The following SENP5 variants were observed in gnomAD, a reference collection of about 807,000 sequenced individuals.
SENP5 encodes the protein sentrin-specific protease 5.
SENP5 carries 21 observed loss-of-function variants against 74.2 expected under a neutral mutation model. That is an observed-to-expected ratio of 0.28 (90% confidence interval 0.20 to 0.41). SENP5 has a LOEUF of 0.41. Ranked by LOEUF, SENP5 falls within the 10% of genes least tolerant of loss-of-function variation. SENP5 has a pLI of 1.00. For missense variants in SENP5, 717 were observed against 889.1 expected (o/e 0.81, Z 2.46); for synonymous variants, 311 against 312.7 (o/e 0.99, Z 0.06).
chr3:196,905,743 T>G (rs1191855716), intron 6 of SENP5, among the ~76,000 whole-genome samples: 1 of 152,092 alleles, frequency 6.6e-6, no homozygotes, highest in East Asian at 1.9e-4. Flanking sequence ...AGTCAGTTTT[T>G]ATGGAGGCTT....
In SENP5 at chr3:196,896,737, G is replaced by T. The variant is rs369654379; in HGVS notation, c.1514-2929G>T. ...GCTGGGATTACAGGCATGAGCCACC[G>T]CACCTGGCCCAGTGTCTCTATTTGT... On this transcript the variant is annotated intron_variant, in intron 2 of 9. Transcript: ENST00000323460. Among the ~76,000 whole-genome samples, 23 of 152,224 alleles carry T rather than the reference G, an allele frequency of 1.5e-4. 1 individual carries two copies. Among genetic ancestry groups the T allele is most frequent in the African/African-American group, 5.5e-4 (23 of 41,528 alleles).
At chr3:196,893,569 A>T (rs1469390680) in intron 2 of SENP5, among the ~76,000 whole-genome samples, 1 of 152,114 alleles carries the variant, frequency 6.6e-6, no homozygotes, top group Admixed American at 6.5e-5. Flanking sequence ...TTTCAGGCAA[A>T]AGAGAACTGT....
rs1181069023 is a variant in SENP5, at chr3:196,934,710, A to T, written c.*3787A>T. 6.6e-6 allele frequency: 1 copy of T among 152,240 alleles called. No homozygotes were observed. Among genetic ancestry groups the T allele is most frequent in the Non-Finnish European group, 1.5e-5 (1 of 68,040 alleles). 9.4% of individuals were successfully genotyped at this position (152,240 alleles called of 1,614,324 possible). A position where few individuals can be genotyped will look rare whatever the true frequency, so the allele number is the denominator to read the frequency against. ...TTTGAAAAATAAACTAAATGCCTTTATAAACTTGTGTTCTCTCGTCTTGAG... is the reference window on the plus strand; with the variant it reads ...TTTGAAAAATAAACTAAATGCCTTTTTAAACTTGTGTTCTCTCGTCTTGAG... On this transcript the variant is annotated 3_prime_UTR_variant, in exon 10 of 10. Coordinates refer to ENST00000323460, the MANE Select transcript of SENP5 (RefSeq NM_152699.5).
intron 6 of SENP5, chr3:196,904,795 AAATT>A (rs775753504): frequency 1.3e-5 from 2 of 152,200 alleles, no homozygotes; most frequent in Non-Finnish European, 1.5e-5. Flanking sequence ...TGTCAAAAGA[AAATT>A]AAATAAAAAA....
intron 6 of SENP5, among the ~76,000 whole-genome samples, chr3:196,907,337 G>C (rs1357710535): frequency 2.6e-5 from 4 of 151,796 alleles, no homozygotes; most frequent in African/African-American, 7.3e-5. Flanking sequence ...AGCCGGGCGT[G>C]GTGACGGATG....
At chr3:196,898,138 A>G (rs1243534270) in intron 2 of SENP5, among the ~76,000 whole-genome samples, 1 of 150,500 alleles carries the variant, frequency 6.6e-6, no homozygotes, top group Non-Finnish European at 1.5e-5. Context: ...AAATCGCACC[A>G]TTGCACTCCA....
chr3:196,916,400 A>G (rs150431374), intron 6 of SENP5, among the ~76,000 whole-genome samples: 1,664 of 152,028 alleles, frequency 0.011, 21 homozygotes, highest in African/African-American at 0.032. Context: ...GACCAATCTC[A>G]TAGTGACAGA....
At chr3:196,893,783 G>A (rs146855486) in intron 2 of SENP5, among the ~76,000 whole-genome samples, 47 of 152,044 alleles carry the variant, frequency 3.1e-4, no homozygotes, top group African/African-American at 1.1e-3. Context: ...GGTGGCATGC[G>A]CCTGTAGTCC....
intron 6 of SENP5, among the ~76,000 whole-genome samples, chr3:196,909,419 C>T (rs1048277569): frequency 2.2e-4 from 34 of 152,082 alleles, no homozygotes; most frequent in Non-Finnish European, 3.4e-4. Context: ...TTTATGAGGC[C>T]GGCATCATCC....
intron 1 of SENP5, among the ~76,000 whole-genome samples, chr3:196,869,489 G>A (rs530016021): frequency 6.6e-6 from 1 of 151,632 alleles, no homozygotes; most frequent in South Asian, 2.1e-4. Context: ...AGCCGGGCGC[G>A]GTGGTTGACG....
At chr3:196,884,402 A>G (rs544159379) in intron 1 of SENP5, among the ~76,000 whole-genome samples, 1 of 152,236 alleles carries the variant, frequency 6.6e-6, no homozygotes, top group East Asian at 1.9e-4. Flanking sequence ...AATCCAAACA[A>G]TAACTTCCCC....
intron 8 of SENP5, among the ~76,000 whole-genome samples, chr3:196,928,464 C>A (rs1361235853): frequency 6.6e-6 from 1 of 152,178 alleles, no homozygotes; most frequent in Admixed American, 6.5e-5. Flanking sequence ...TGTATTGGAT[C>A]TCATTTGATC....
At chr3:196,930,724 A>G in intron 9 of SENP5, 89 bp from the exon 10 acceptor site, 1 of 847,844 alleles carries the variant, frequency 1.2e-6, no homozygotes, top group South Asian at 1.4e-5. Flanking sequence ...TGCCTTAGAC[A>G]CTATTAGGTC....
In SENP5 at chr3:196,870,942, G is replaced by A. The variant is rs548236557; in HGVS notation, c.-32+2869G>A. On this transcript the variant is annotated intron_variant, in intron 1 of 9. Transcript: ENST00000323460. ...TCCCAGCACTTTGGGAGGCCGAGGCGGGTGGATCACGAGTCAGGAGTTAGA... is the reference window on the plus strand; with the variant it reads ...TCCCAGCACTTTGGGAGGCCGAGGCAGGTGGATCACGAGTCAGGAGTTAGA... Among the ~76,000 whole-genome samples, 27 of 152,002 alleles carry A rather than the reference G, an allele frequency of 1.8e-4. No homozygotes were observed. The East Asian group carries it at 4.1e-3, about 23-fold the overall frequency.
chr3:196,892,553 TC>T, intron 2 of SENP5, among the ~76,000 whole-genome samples: 1 of 152,234 alleles, frequency 6.6e-6, no homozygotes, highest in Non-Finnish European at 1.5e-5. Context: ...AGCATATCCA[TC>T]ACTCACTTCG....
intron 6 of SENP5, among the ~76,000 whole-genome samples, chr3:196,910,610 T>G (rs1715085081): frequency 6.6e-6 from 1 of 151,908 alleles, no homozygotes; most frequent in African/African-American, 2.4e-5. Flanking sequence ...CCTTCCAGAG[T>G]GCTGGGATTA....
chr3:196,877,014 T>A (rs1713506930), intron 1 of SENP5, among the ~76,000 whole-genome samples: 1 of 152,146 alleles, frequency 6.6e-6, no homozygotes, highest in Non-Finnish European at 1.5e-5. Flanking sequence ...TTGCTTACTT[T>A]TTAATTAAAA....
At chr3:196,870,421 C>CT (rs1196584855) in intron 1 of SENP5, among the ~76,000 whole-genome samples, 16 of 152,166 alleles carry the variant, frequency 1.1e-4, no homozygotes, top group African/African-American at 3.9e-4. Context: ...AATTCCTACT[C>CT]TATTATTAGT....
In SENP5 at chr3:196,885,750, A is replaced by T. The variant is rs568236829; in HGVS notation, c.569A>T (p.His190Leu). The T allele has an allele frequency of 1.2e-6, 2 of 1,614,232 alleles. No homozygotes were observed. Among genetic ancestry groups the T allele is most frequent in the African/African-American group, 1.3e-5 (1 of 75,064 alleles). The part of the protein sequence containing the change: ...SGTIVVTLNN[H>L]KRKGFCYGCC... ...ACGATTGTGGTCACCTTGAACAACCATAAGAGAAAGGGCTTTTGTTACGGC... is the reference window on the plus strand; with the variant it reads ...ACGATTGTGGTCACCTTGAACAACCTTAAGAGAAAGGGCTTTTGTTACGGC... The change falls in exon 2 of 10, where the codon CAT becomes CTT. Residue 190 changes from histidine to leucine, a missense_variant. Coordinates refer to ENST00000323460, the MANE Select transcript of SENP5 (RefSeq NM_152699.5).
Sources: gnomAD v4.1 joint callset for allele counts (sites outside exome capture counted in the v4.1 genomes callset) on GRCh38, gnomAD v4.1.1 for gene constraint, MANE v1.5 for transcripts, NCBI Gene and HGNC (gene_info 2026-07-23, HGNC 2026-07-21) for gene names.